The following KIRREL3 variants were observed in gnomAD, a reference collection of about 807,000 sequenced individuals.
The protein encoded by KIRREL3 is kirre like nephrin family adhesion molecule 3.
A neutral mutation model predicts 89.7 loss-of-function variants in KIRREL3; 36 were observed. That is an observed-to-expected ratio of 0.40 (90% CI 0.31 to 0.53). KIRREL3 has a LOEUF of 0.53. KIRREL3 is among the 20% of genes least tolerant of loss of function. The pLI, the probability that KIRREL3 is intolerant of heterozygous loss-of-function variation, is 0.49. For missense variants in KIRREL3, 864 were observed against 1,056.6 expected, an observed-to-expected ratio of 0.82 and a Z score of 2.53; for synonymous variants, 445 against 441.4, an observed-to-expected ratio of 1.01 and a Z score of -0.10.
rs939260641 is a variant in KIRREL3, at chr11:126,940,834, T to C, written c.55+59621A>G. On this transcript the variant is annotated intron_variant, in intron 1 of 16. Coordinates refer to ENST00000525144, the MANE Select transcript of KIRREL3 (RefSeq NM_032531.4). This position sits in a 1 kb window ranked among gnomAD's most constrained non-coding sequence, Gnocchi z 4.6. ...TTTTTTTTTTCTTTTGGTGTAACAGTATCGCATGAGCCAAGACTGTCATGA... is the reference window on the plus strand; with the variant it reads ...TTTTTTTTTTCTTTTGGTGTAACAGCATCGCATGAGCCAAGACTGTCATGA... The C allele has an allele frequency of 6.6e-6, 1 of 152,070 alleles. No homozygotes were observed. Among genetic ancestry groups the C allele is most frequent in the Non-Finnish European group, 1.5e-5 (1 of 68,032 alleles). 9.4% of individuals were successfully genotyped at this position (152,070 alleles called of 1,614,324 possible). A position where few individuals can be genotyped will look rare whatever the true frequency, so the allele number is the denominator to read the frequency against.
At chr11:126,770,639 C>G (rs1252702467) in intron 1 of KIRREL3, among the ~76,000 whole-genome samples, 2 of 152,152 alleles carry the variant, frequency 1.3e-5, no homozygotes, top group Non-Finnish European at 1.5e-5. Context: ...CACTCAGACA[C>G]TCTGCACAGA....
chr11:126,436,664 C>G, intron 12 of KIRREL3, 147 bp downstream of exon 12: 1 of 832,622 alleles, frequency 1.2e-6, no homozygotes, highest in Non-Finnish European at 1.9e-6. Flanking sequence ...TGCTGGCTGG[C>G]TAGGCTGTGT....
chr11:126,512,590 G>T (rs1958260245), intron 4 of KIRREL3, among the ~76,000 whole-genome samples: 1 of 152,180 alleles, frequency 6.6e-6, no homozygotes, highest in Non-Finnish European at 1.5e-5. Flanking sequence ...ATAGGAAGGG[G>T]CTTAGATTTC....
Position 126,513,532 on chromosome 11 carries a change from G to A in KIRREL3, c.433+7783C>T, listed in dbSNP as rs988561496. 6.6e-6 allele frequency among the ~76,000 whole-genome samples: 1 copy of A among 152,156 alleles called. No individual in the cohort carries two copies. The highest frequency in any genetic ancestry group is 6.5e-5 in the Admixed American group (1 of 15,278). ...CCTGAGGGATCCTCTCTTCCTCCGG[G>A]CCTTGGAAGTCGTTTAATGCTTGAG... On this transcript the variant is annotated intron_variant, in intron 4 of 16. Coordinates refer to ENST00000525144, the MANE Select transcript of KIRREL3 (RefSeq NM_032531.4). This position sits in a 1 kb window ranked among gnomAD's most constrained non-coding sequence, Gnocchi z 5.9.
intron 1 of KIRREL3, among the ~76,000 whole-genome samples, chr11:126,966,401 ATTG>A (rs1283405111): frequency 1.3e-5 from 2 of 152,098 alleles, no homozygotes; most frequent in East Asian, 3.9e-4. Context: ...TTCTGCAGAA[ATTG>A]TTATCTTGGG....
rs1318608926 is a variant in KIRREL3, at chr11:126,608,028, G to A, written c.56-45116C>T. On this transcript the variant is annotated intron_variant, in intron 1 of 16. Transcript: ENST00000525144. This position sits in a 1 kb window ranked among gnomAD's most constrained non-coding sequence, Gnocchi z 4.9. The stretch of plus-strand genomic sequence containing the variant: ...TTTCTCATCATCTCCCGTGCCTGCC[G>A]TGCTGTCTCTTACCAACCCAGGAGG... Among the ~76,000 whole-genome samples the A allele has an allele frequency of 1.3e-5, 2 of 150,372 alleles. No homozygotes were observed. The highest frequency in any genetic ancestry group is 5.0e-5 in the African/African-American group (2 of 39,702).
chr11:126,887,793 T>G (rs892978979), intron 1 of KIRREL3, among the ~76,000 whole-genome samples: 3 of 152,232 alleles, frequency 2.0e-5, no homozygotes, highest in African/African-American at 7.2e-5. Flanking sequence ...AAGTATTACT[T>G]TTCTCCATCA....
rs1940532650 is a variant in KIRREL3, at chr11:126,566,532, TG to T, written c.56-3621del. On this transcript the variant is annotated intron_variant, in intron 1 of 16. Coordinates refer to ENST00000525144, the MANE Select transcript of KIRREL3 (RefSeq NM_032531.4). This position sits in a 1 kb window ranked among gnomAD's most constrained non-coding sequence, Gnocchi z 4.9. The stretch of plus-strand genomic sequence containing the variant: ...TGACTCGGGTCAGAATGAAAATAAG[TG>T]GGCTTCACTGTAGCACAATGGGTTT... 6.6e-6 allele frequency among the ~76,000 whole-genome samples: 1 copy of T among 152,188 alleles called. No homozygotes were observed.
In KIRREL3 at chr11:126,977,045, A is replaced by C. The variant is rs1366380210; in HGVS notation, c.55+23410T>G. Among the ~76,000 whole-genome samples, 2 of 152,214 alleles carry C rather than the reference A, an allele frequency of 1.3e-5. No homozygotes were observed. The highest frequency in any genetic ancestry group is 4.8e-5 in the African/African-American group (2 of 41,462). On this transcript the variant is annotated intron_variant, in intron 1 of 16. Transcript: ENST00000525144. The surrounding 1 kb of genome is among the most constrained non-coding windows in gnomAD (Gnocchi z 4.7). ...TGATAAACATCATGCTGCATTTCCC[A>C]AGGAGGACTGCCCTTTTTATTCTTC...
At chr11:126,559,134 C>G (rs1055012912) in intron 2 of KIRREL3, among the ~76,000 whole-genome samples, 1 of 152,140 alleles carries the variant, frequency 6.6e-6, no homozygotes, top group Non-Finnish European at 1.5e-5. Context: ...ACCCTACTCC[C>G]AGGAAGGGGC....
rs1170569178 is a variant in KIRREL3, at chr11:126,997,544, T to C, written c.55+2911A>G. Among the ~76,000 whole-genome samples, 1 of 147,314 alleles carries C rather than the reference T, an allele frequency of 6.8e-6. No homozygotes were observed. The highest frequency in any genetic ancestry group is 1.5e-5 in the Non-Finnish European group (1 of 67,736). On this transcript the variant is annotated intron_variant, in intron 1 of 16. Coordinates refer to ENST00000525144, the MANE Select transcript of KIRREL3 (RefSeq NM_032531.4). This position sits in a 1 kb window ranked among gnomAD's most constrained non-coding sequence, Gnocchi z 4.3. The stretch of plus-strand genomic sequence containing the variant: ...CAATCTACATGAAAAGCCCAAACTT[T>C]CAAAGAATAGGGACCCACCATATTA...
intron 1 of KIRREL3, among the ~76,000 whole-genome samples, chr11:126,942,313 C>G (rs993446908): frequency 5.9e-5 from 9 of 152,278 alleles, no homozygotes; most frequent in African/African-American, 2.2e-4. Context: ...ACGGTAAACA[C>G]TGAGTATCTT....
rs141964348 is a variant in KIRREL3, at chr11:126,623,718, G to T, written c.56-60806C>A. Among the ~76,000 whole-genome samples, 2 of 152,132 alleles carry T rather than the reference G, an allele frequency of 1.3e-5. No individual in the cohort carries two copies. The highest frequency in any genetic ancestry group is 2.9e-5 in the Non-Finnish European group (2 of 68,020). On this transcript the variant is annotated intron_variant, in intron 1 of 16. Coordinates refer to ENST00000525144, the MANE Select transcript of KIRREL3 (RefSeq NM_032531.4). The surrounding 1 kb of genome is among the most constrained non-coding windows in gnomAD (Gnocchi z 4.1). Reference sequence around the variant, plus strand: ...AAGCACAAGACCAGGCAAAGCAGGCGAGGAGAAAGCCATTGAATAAATACT... The same window carrying T: ...AAGCACAAGACCAGGCAAAGCAGGCTAGGAGAAAGCCATTGAATAAATACT...
At chr11:126,856,709 G>T (rs1272826465) in intron 1 of KIRREL3, among the ~76,000 whole-genome samples, 2 of 151,482 alleles carry the variant, frequency 1.3e-5, no homozygotes, top group South Asian at 4.2e-4. Flanking sequence ...TCTGCCTCCT[G>T]GGTTCAGGCC....
intron 1 of KIRREL3, among the ~76,000 whole-genome samples, chr11:126,633,343 GAAGAAATAAA>G (rs1367907670): frequency 6.6e-6 from 1 of 152,050 alleles, no homozygotes; most frequent in Non-Finnish European, 1.5e-5. Context: ...CTCATTTTTA[GAAGAAATAAA>G]GAGAAACAAA....
At chr11:126,856,088 T>C (rs1944497029) in intron 1 of KIRREL3, among the ~76,000 whole-genome samples, 3 of 152,302 alleles carry the variant, frequency 2.0e-5, no homozygotes, top group Admixed American at 2.0e-4. Flanking sequence ...AGGGTTCCAA[T>C]GCTAAGTAAG....
Position 126,830,111 on chromosome 11 carries a change from C to A in KIRREL3, c.55+170344G>T, listed in dbSNP as rs1943557907. Among the ~76,000 whole-genome samples, 2 of 152,042 alleles carry A rather than the reference C, an allele frequency of 1.3e-5. No homozygotes were observed. Among genetic ancestry groups the A allele is most frequent in the Non-Finnish European group, 2.9e-5 (2 of 68,006 alleles). On this transcript the variant is annotated intron_variant, in intron 1 of 16. Coordinates refer to ENST00000525144, the MANE Select transcript of KIRREL3 (RefSeq NM_032531.4). The surrounding 1 kb of genome is among the most constrained non-coding windows in gnomAD (Gnocchi z 4.9). Reference sequence around the variant, plus strand: ...TGGTTGCCTTGCAAAAGAAAAAAAACCCATCCCCTTACTGCTGGAAATCAC... The same window carrying A: ...TGGTTGCCTTGCAAAAGAAAAAAAAACCATCCCCTTACTGCTGGAAATCAC...
rs1951496940 is a variant in KIRREL3 at position 126,814,587 on chromosome 11, C to T, written c.55+185868G>A. 6.6e-6 allele frequency among the ~76,000 whole-genome samples: 1 copy of T among 152,118 alleles called. No homozygotes were observed. The highest frequency in any genetic ancestry group is 1.5e-5 in the Non-Finnish European group (1 of 68,018). On this transcript the variant is annotated intron_variant, in intron 1 of 16. Coordinates refer to ENST00000525144, the MANE Select transcript of KIRREL3 (RefSeq NM_032531.4). This position sits in a 1 kb window ranked among gnomAD's most constrained non-coding sequence, Gnocchi z 4.4. ...TATACACCATGGAATACTATGCAGCCATAAAAAGGAATGAGATCATGTCCT... is the reference window on the plus strand; with the variant it reads ...TATACACCATGGAATACTATGCAGCTATAAAAAGGAATGAGATCATGTCCT...
chr11:126,953,058 C>T lies in KIRREL3; in HGVS notation c.55+47397G>A, dbSNP rs1948815975. On this transcript the variant is annotated intron_variant, in intron 1 of 16. Coordinates refer to ENST00000525144, the MANE Select transcript of KIRREL3 (RefSeq NM_032531.4). The surrounding 1 kb of genome is among the most constrained non-coding windows in gnomAD (Gnocchi z 5.2). Reference sequence around the variant, plus strand: ...TGTATGTTTATTGCAGCACTGTTCACAATAACAAAGACTTGGAACCAATCC... The same window carrying T: ...TGTATGTTTATTGCAGCACTGTTCATAATAACAAAGACTTGGAACCAATCC... Among the ~76,000 whole-genome samples, 1 of 152,104 alleles carries T rather than the reference C, an allele frequency of 6.6e-6. No homozygotes were observed. The highest frequency in any genetic ancestry group is 1.5e-5 in the Non-Finnish European group (1 of 68,026).
Sources: allele counts gnomAD v4.1 joint callset (sites outside exome capture counted in the v4.1 genomes callset), GRCh38; gene constraint gnomAD v4.1.1; non-coding constraint Gnocchi (gnomAD v3.1); transcripts MANE v1.5; gene names NCBI Gene and HGNC (gene_info 2026-07-23, HGNC 2026-07-21).